KCNG2: variants seen among roughly 807,000 people sequenced by gnomAD.
KCNG2 encodes potassium voltage-gated channel modifier subfamily G member 2, also known as voltage-gated potassium channel regulatory subunit KCNG2.
A neutral mutation model predicts 12.3 loss-of-function variants in KCNG2; 7 were observed. That is an observed-to-expected ratio of 0.57 (90% CI 0.32 to 1.07). KCNG2 has a LOEUF of 1.07. Ranked by LOEUF, KCNG2 falls within the 50% of genes least tolerant of loss-of-function variation. The pLI is 0.04. For synonymous variants in KCNG2, 414 were observed against 351.4 expected, an observed-to-expected ratio of 1.18 and a Z score of -1.99; for missense variants, 703 against 726.0, an observed-to-expected ratio of 0.97 and a Z score of 0.36.
chr18:79,866,026 AG>A (rs1979512910), intron 3 of KCNG2, among the ~76,000 whole-genome samples: 1 of 138,400 alleles, frequency 7.2e-6, no homozygotes, highest in African/African-American at 2.9e-5. Context: ...GGGTGCTGAG[AG>A]GTCTGTGTGC....
At chr18:79,895,394 T>C (rs1980929713) in intron 3 of KCNG2, among the ~76,000 whole-genome samples, 1 of 152,184 alleles carries the variant, frequency 6.6e-6, no homozygotes, top group African/African-American at 2.4e-5. Flanking sequence ...TTGATATAGT[T>C]GGGTCTGTGT....
chr18:79,816,396 TCC>T (rs2087528740), intron 1 of KCNG2: 1 of 139,726 alleles, frequency 7.2e-6, no homozygotes, highest in African/African-American at 2.6e-5. Flanking sequence ...TCCCCTCCCC[TCC>T]CCTCCCCCTT....
chr18:79,848,570 CCT>C (rs1978703051), intron 1 of KCNG2, among the ~76,000 whole-genome samples: 1 of 152,218 alleles, frequency 6.6e-6, no homozygotes, highest in African/African-American at 2.4e-5. Context: ...GCGAAAAGAC[CCT>C]GTTTCCCCAT....
chr18:79,821,918 G>A (rs1465657405), intron 1 of KCNG2, among the ~76,000 whole-genome samples: 1 of 152,176 alleles, frequency 6.6e-6, no homozygotes, highest in Non-Finnish European at 1.5e-5. Flanking sequence ...GGTCCGTTAA[G>A]ACTCCATATG....
intron 1 of KCNG2, among the ~76,000 whole-genome samples, chr18:79,834,870 C>T (rs895371780): frequency 5.3e-5 from 8 of 152,190 alleles, no homozygotes; most frequent in East Asian, 1.9e-4. Flanking sequence ...GGCACATCAC[C>T]GAATAAACTC....
intron 3 of KCNG2, among the ~76,000 whole-genome samples, chr18:79,890,140 T>G (rs898147610): frequency 3.9e-5 from 6 of 152,216 alleles, no homozygotes; most frequent in Admixed American, 2.0e-4. Context: ...CTTGAATCTT[T>G]TAACATCGGT....
chr18:79,848,522 G>A (rs899441995), intron 1 of KCNG2, among the ~76,000 whole-genome samples: 1 of 152,184 alleles, frequency 6.6e-6, no homozygotes, highest in African/African-American at 2.4e-5. Flanking sequence ...TCCGTCCCTG[G>A]ACTCAGGCCC....
chr18:79,861,845 G>A (rs558277056), intron 2 of KCNG2, among the ~76,000 whole-genome samples: 1 of 152,282 alleles, frequency 6.6e-6, no homozygotes, highest in East Asian at 1.9e-4. Flanking sequence ...CTGCTCCTCA[G>A]ATAGGATAGC....
Position 79,822,297 on chromosome 18 carries a change from T to C in KCNG2, c.-115+24283T>C, listed in dbSNP as rs565572834. ...ACTGGCCCCGCCCTGGTCACTACTT[T>C]AAAACCCCACTCAGATGTCACCGCG... On this transcript the variant is annotated intron_variant, in intron 1 of 3. Coordinates refer to ENST00000316249, the MANE Select transcript of KCNG2 (RefSeq NM_012283.2). The surrounding 1 kb of genome is among the most constrained non-coding windows in gnomAD (Gnocchi z 4.4). Among the ~76,000 whole-genome samples, 41 of 152,244 alleles carry C rather than the reference T, an allele frequency of 2.7e-4. No individual in the cohort carries two copies. The highest frequency in any genetic ancestry group is 9.4e-4 in the African/African-American group (39 of 41,540).
At chr18:79,877,871 G>C (rs922581855) in intron 3 of KCNG2, among the ~76,000 whole-genome samples, 2 of 152,244 alleles carry the variant, frequency 1.3e-5, no homozygotes, top group African/African-American at 2.4e-5. Context: ...TTTCAAAGGC[G>C]GCTGGTCACG....
At chr18:79,853,344 C>G (rs971039568) in intron 1 of KCNG2, among the ~76,000 whole-genome samples, 1 of 152,148 alleles carries the variant, frequency 6.6e-6, no homozygotes, top group Non-Finnish European at 1.5e-5. Context: ...CAGGTTTGAG[C>G]AAACGCCGAG....
intron 1 of KCNG2, among the ~76,000 whole-genome samples, chr18:79,838,009 G>A (rs1027038582): frequency 6.6e-6 from 1 of 152,206 alleles, no homozygotes; most frequent in Non-Finnish European, 1.5e-5. Flanking sequence ...CATGGCAGAA[G>A]GTGAAGGAGA....
In KCNG2 at chr18:79,803,258, G is replaced by A. The variant is rs1385800797; in HGVS notation, c.-115+5244G>A. The stretch of plus-strand genomic sequence containing the variant: ...GCAGGGCCAGCCCCCTCATCTCCAG[G>A]CCCCCAGCTCTTTCACCTCTGTAGT... On this transcript the variant is annotated intron_variant, in intron 1 of 3. Coordinates refer to ENST00000316249, the MANE Select transcript of KCNG2 (RefSeq NM_012283.2). The surrounding 1 kb of genome is among the most constrained non-coding windows in gnomAD (Gnocchi z 4.5). Among the ~76,000 whole-genome samples the A allele has an allele frequency of 1.3e-5, 2 of 151,602 alleles. No homozygotes were observed. The highest frequency in any genetic ancestry group is 2.9e-5 in the Non-Finnish European group (2 of 67,906).
chr18:79,830,426 T>C (rs990301878), intron 1 of KCNG2, among the ~76,000 whole-genome samples: 3 of 152,220 alleles, frequency 2.0e-5, no homozygotes, highest in African/African-American at 7.2e-5. Flanking sequence ...TCTTTTCCAA[T>C]TTAACTGTCA....
At chr18:79,848,203 C>T (rs4799092) in intron 1 of KCNG2, among the ~76,000 whole-genome samples, 1 of 152,002 alleles carries the variant, frequency 6.6e-6, no homozygotes, top group Admixed American at 6.5e-5. Context: ...CTAATGGTGA[C>T]GCATATGCTT....
intron 1 of KCNG2, among the ~76,000 whole-genome samples, chr18:79,830,665 C>A (rs951642286): frequency 1.4e-4 from 21 of 151,944 alleles, no homozygotes; most frequent in African/African-American, 4.6e-4. Context: ...TCCCTGCGGA[C>A]AGAGCCTTTG....
chr18:79,874,736 T>C (rs990098587), intron 3 of KCNG2, among the ~76,000 whole-genome samples: 8 of 152,248 alleles, frequency 5.3e-5, no homozygotes, highest in Admixed American at 5.2e-4. Context: ...GCATCTCCGC[T>C]CCCTCCTCTC....
rs959231525 is a variant in KCNG2, at chr18:79,803,048, G to A, written c.-115+5034G>A. Among the ~76,000 whole-genome samples, 7 of 152,128 alleles carry A rather than the reference G, an allele frequency of 4.6e-5. No individual in the cohort carries two copies. Among genetic ancestry groups the A allele is most frequent in the Non-Finnish European group, 1.0e-4 (7 of 68,006 alleles). ...CAAAAATTAGCCGGGCATGGTGGCA[G>A]GCACCTGTAATTCCAGCTGCTTGGG... On this transcript the variant is annotated intron_variant, in intron 1 of 3. Transcript: ENST00000316249. This position sits in a 1 kb window ranked among gnomAD's most constrained non-coding sequence, Gnocchi z 4.5.
chr18:79,800,912 T>A lies in KCNG2; in HGVS notation c.-115+2898T>A, dbSNP rs2087404812. 6.6e-6 allele frequency among the ~76,000 whole-genome samples: 1 copy of A among 152,232 alleles called. No homozygotes were observed. The highest frequency in any genetic ancestry group is 2.4e-5 in the African/African-American group (1 of 41,462). ...ACTCATGGAATTGCTAACAGAAATC[T>A]TATCAACAGCAGGTTCAGCCTTTTC... is the stretch of plus-strand genomic sequence containing the variant. On this transcript the variant is annotated intron_variant, in intron 1 of 3. Coordinates refer to ENST00000316249, the MANE Select transcript of KCNG2 (RefSeq NM_012283.2). This position sits in a 1 kb window ranked among gnomAD's most constrained non-coding sequence, Gnocchi z 4.0.
Sources: allele counts gnomAD v4.1 joint callset (sites outside exome capture counted in the v4.1 genomes callset), GRCh38; gene constraint gnomAD v4.1.1; non-coding constraint Gnocchi (gnomAD v3.1); transcripts MANE v1.5; gene names NCBI Gene and HGNC (gene_info 2026-07-23, HGNC 2026-07-21).